The following ADAT1 variants were observed in gnomAD, a reference collection of about 807,000 sequenced individuals.
ADAT1 encodes the protein tRNA-specific adenosine deaminase 1.
In ADAT1, 58 loss-of-function variants were observed where a neutral mutation model predicts 58.6. That is an observed-to-expected ratio of 0.99 (90% CI 0.80 to 1.23). The LOEUF (loss-of-function observed/expected upper bound fraction) is 1.23. Among genes scored for constraint, ADAT1 ranks in the 50% most tolerant of loss-of-function variants. ADAT1 has a pLI of 0.00. For synonymous variants in ADAT1, 254 were observed against 220.8 expected, an observed-to-expected ratio of 1.15 and a Z score of -1.33; for missense variants, 741 against 608.6, an observed-to-expected ratio of 1.22 and a Z score of -2.29.
Position 75,608,994 on chromosome 16 carries a change from T to C in ADAT1, c.1044-6A>G, listed in dbSNP as rs756726510. ...AAGCAGACACATTCTGACACCTAAA[T>C]ACAAGGGAAAATGCATTCAGTTTAG... is the stretch of plus-strand genomic sequence containing the variant. On this transcript the variant is annotated splice_region_variant and splice_polypyrimidine_tract_variant and intron_variant, in intron 6 of 9. Coordinates refer to ENST00000564657, the MANE Select transcript of ADAT1 (RefSeq NM_001324445.2). 2.5e-6 allele frequency: 4 copies of C among 1,614,072 alleles called. No individual in the cohort carries two copies. The East Asian group carries it at 6.7e-5, about 27-fold the overall frequency.
rs767382528 is a variant in ADAT1 at position 75,608,231 on chromosome 16, G to C, written c.1282C>G (p.Gln428Glu). ...TGCCCCAATATGCTGTACCTTGCCT[G>C]AAGGCTTCCAATTGTTTTCTTTGTT... ...GTTKKTIGSL[Q>E]ARSQISKVEL... Residue 428 changes from glutamine to glutamate, a missense_variant, in exon 8 of 10, where the codon CAG becomes GAG. Gln to Glu is a conservative substitution (Grantham distance 29). Coordinates refer to ENST00000564657, the MANE Select transcript of ADAT1 (RefSeq NM_001324445.2). 8 of 1,613,856 alleles carry C rather than the reference G, an allele frequency of 5.0e-6. No individual in the cohort carries two copies. Among genetic ancestry groups the C allele is most frequent in the Non-Finnish European group, 6.8e-6 (8 of 1,179,840 alleles).
chr16:75,613,149 G>C (rs1383562256), intron 5 of ADAT1, among the ~76,000 whole-genome samples: 1 of 152,170 alleles, frequency 6.6e-6, no homozygotes, highest in African/African-American at 2.4e-5. Context: ...GAATCCTCTA[G>C]GGCTCTTGTT....
chr16:75,616,830 C>G (rs960790704), intron 5 of ADAT1, among the ~76,000 whole-genome samples: 7 of 152,206 alleles, frequency 4.6e-5, no homozygotes, highest in African/African-American at 1.7e-4. Context: ...TATAGGATTT[C>G]CAAGCCCCAT....
chr16:75,612,992 A>T (rs2081596049), intron 5 of ADAT1, 131 bp from the exon 6 acceptor site: 1 of 1,123,954 alleles, frequency 8.9e-7, no homozygotes, highest in Admixed American at 2.9e-5. Context: ...TGAATCAGAA[A>T]CTCCGGAGGC....
Position 75,617,174 on chromosome 16 carries a change from A to T in ADAT1, c.392T>A (p.Leu131His). ...ATGGCTGGAGAAAAACACAAAAATG[A>T]GGTCTCGTCTAAGTTTCCACACTCC... Reference protein sequence around the residue: ...QKGVWKLRRDLIFVFFSSHTP... With the variant: ...QKGVWKLRRDHIFVFFSSHTP... Residue 131 changes from leucine (L) to histidine (H), a missense_variant, in exon 5 of 10, where the codon CTC becomes CAC. Transcript: ENST00000564657. 1 of 1,613,800 alleles carries T rather than the reference A, an allele frequency of 6.2e-7. No homozygotes were observed. The highest frequency in any genetic ancestry group is 8.5e-7 in the Non-Finnish European group (1 of 1,179,704).
rs754832112 is a variant in ADAT1 at position 75,612,346 on chromosome 16, C to G, written c.940G>C (p.Ala314Pro). The G allele has an allele frequency of 3.7e-6, 6 of 1,614,198 alleles. No homozygotes were observed. The South Asian group carries it at 4.4e-5, about 12-fold the overall frequency. ...TCTTCCAGCAAGTGCATCAACAGTGCCCCTTGGCATCCGAGGACGTTCCAT... is the reference window on the plus strand; with the variant it reads ...TCTTCCAGCAAGTGCATCAACAGTGGCCCTTGGCATCCGAGGACGTTCCAT... The part of the protein sequence containing the change: ...ARWNVLGCQG[A>P]LLMHLLEEPI... Residue 314 changes from alanine to proline, a missense_variant, in exon 6 of 10, where the codon GCA (alanine) becomes CCA (proline). Coordinates refer to ENST00000564657, the MANE Select transcript of ADAT1 (RefSeq NM_001324445.2).
chr16:75,601,992 T>A (rs2081244118), intron 9 of ADAT1: 1 of 152,174 alleles, frequency 6.6e-6, no homozygotes, highest in Admixed American at 6.6e-5. Flanking sequence ...CAAGTGTCTT[T>A]GTCCTGCATG....
In ADAT1 at chr16:75,598,883, A is replaced by T. The variant is rs2081144509; in HGVS notation, c.*1333T>A. 4.1e-6 allele frequency: 4 copies of T among 982,560 alleles called. No homozygotes were observed. The South Asian group carries it at 1.9e-4, about 46-fold the overall frequency. The allele number at this position is 982,560 out of a possible 1,614,324, so 60.9% of individuals were successfully genotyped here. A position where few individuals can be genotyped will look rare whatever the true frequency, so the allele number is the denominator to read the frequency against. On this transcript the variant is annotated 3_prime_UTR_variant, in exon 10 of 10. Coordinates refer to ENST00000564657, the MANE Select transcript of ADAT1 (RefSeq NM_001324445.2). ...TATGGTCTGTGAATTATATCTCAATACAACTGTTATTTAAAAATATTTATA... is the reference window on the plus strand; with the variant it reads ...TATGGTCTGTGAATTATATCTCAATTCAACTGTTATTTAAAAATATTTATA...
At position 75,608,105 on chromosome 16, in the gene ADAT1, G is replaced by C. The variant is rs2081419726; in HGVS notation, c.1289+119C>G. On this transcript the variant is annotated intron_variant, in intron 8 of 9. Coordinates refer to ENST00000564657, the MANE Select transcript of ADAT1 (RefSeq NM_001324445.2). ...CAAGGGATGAGGAGAGGGAGGGATA[G>C]GTAGTGACTGCTAATGGGTATGGTT... 4.5e-5 allele frequency: 35 copies of C among 770,296 alleles called. 2 individuals carry two copies. The South Asian group carries it at 4.9e-4, about 11-fold the overall frequency. 47.7% of individuals were successfully genotyped at this position (770,296 alleles called of 1,614,324 possible).
Position 75,598,180 on chromosome 16 carries a change from G to A in ADAT1, c.*2036C>T. 1 of 242,534 alleles carries A rather than the reference G, an allele frequency of 4.1e-6. No individual in the cohort carries two copies. Among genetic ancestry groups the A allele is most frequent in the Non-Finnish European group, 8.6e-6 (1 of 116,618 alleles). The allele number at this position is 242,534 out of a possible 1,614,324, so 15.0% of individuals were successfully genotyped here. ...CAACCTCCACCTCCTGGGTTTGAGA[G>A]ATTCTTCTGCCTCAGCCTCCTGAGT... is the stretch of plus-strand genomic sequence containing the variant. On this transcript the variant is annotated 3_prime_UTR_variant, in exon 10 of 10. Transcript: ENST00000564657.
chr16:75,619,917 T>C (rs1224477328), intron 3 of ADAT1, among the ~76,000 whole-genome samples: 1 of 145,450 alleles, frequency 6.9e-6, no homozygotes, highest in Non-Finnish European at 1.5e-5. Context: ...AAAAAAAAGA[T>C]TGCTTTCTTG....
In ADAT1 at chr16:75,599,133, G is replaced by A; in HGVS notation, c.*1083C>T. 4 of 969,098 alleles carry A rather than the reference G, an allele frequency of 4.1e-6. No individual in the cohort carries two copies. The highest frequency in any genetic ancestry group is 4.9e-6 in the Non-Finnish European group (4 of 823,672). The allele number at this position is 969,098 out of a possible 1,614,324, so 60.0% of individuals were successfully genotyped here. On this transcript the variant is annotated 3_prime_UTR_variant, in exon 10 of 10. Coordinates refer to ENST00000564657, the MANE Select transcript of ADAT1 (RefSeq NM_001324445.2). ...GTCTTGCTCTATCACCCAGGCTGGA[G>A]TGCAGCGGTACGATCTTTGCTCACC...
chr16:75,614,309 A>G (rs2081639288), intron 5 of ADAT1, among the ~76,000 whole-genome samples: 1 of 152,156 alleles, frequency 6.6e-6, no homozygotes, highest in Non-Finnish European at 1.5e-5. Context: ...GTCTAAACCA[A>G]TGTTTCCAAA....
chr16:75,598,784 G>A lies in ADAT1; in HGVS notation c.*1432C>T, dbSNP rs1275599770. 1 of 574,642 alleles carries A rather than the reference G, an allele frequency of 1.7e-6. No homozygotes were observed. Among genetic ancestry groups the A allele is most frequent in the African/African-American group, 2.0e-5 (1 of 49,150 alleles). The allele number at this position is 574,642 out of a possible 1,614,324, so 35.6% of individuals were successfully genotyped here. ...TCTGCCTGCCTCAGCCTCCCAAAGTGTTGGAATTACAGGCGTAAGCCACCG... is the reference window on the plus strand; with the variant it reads ...TCTGCCTGCCTCAGCCTCCCAAAGTATTGGAATTACAGGCGTAAGCCACCG... On this transcript the variant is annotated 3_prime_UTR_variant, in exon 10 of 10. Transcript: ENST00000564657.
At chr16:75,604,742 G>A (rs1206177966) in intron 8 of ADAT1, among the ~76,000 whole-genome samples, 2 of 151,900 alleles carry the variant, frequency 1.3e-5, no homozygotes, top group Non-Finnish European at 2.9e-5. Flanking sequence ...TTATACAGAA[G>A]GTTCTGGCCA....
chr16:75,600,537 T>G (rs1445682829), intron 9 of ADAT1, among the ~76,000 whole-genome samples, 189 bp from the exon 10 acceptor site: 1 of 152,198 alleles, frequency 6.6e-6, no homozygotes, highest in Non-Finnish European at 1.5e-5. Context: ...GAAACAGAGT[T>G]GAGAAGCCAG....
At chr16:75,605,352 G>A (rs1212675495) in intron 8 of ADAT1, among the ~76,000 whole-genome samples, 1 of 152,094 alleles carries the variant, frequency 6.6e-6, no homozygotes, top group Non-Finnish European at 1.5e-5. Context: ...GCCTCCCAAA[G>A]TGCTGGGATT....
chr16:75,604,118 A>C (rs1351768130), intron 8 of ADAT1, among the ~76,000 whole-genome samples: 2 of 152,004 alleles, frequency 1.3e-5, no homozygotes, highest in East Asian at 3.9e-4. Context: ...CTCATGAACA[A>C]ATTAAAGAAG....
chr16:75,620,096 G>T (rs151126800), intron 3 of ADAT1, among the ~76,000 whole-genome samples, 170 bp downstream of exon 3: 24 of 152,206 alleles, frequency 1.6e-4, no homozygotes, highest in African/African-American at 5.8e-4. Flanking sequence ...CGCTTTGATG[G>T]TGGATTTCCA....
Sources: gnomAD v4.1 joint callset for allele counts (sites outside exome capture counted in the v4.1 genomes callset) on GRCh38, gnomAD v4.1.1 for gene constraint, MANE v1.5 for transcripts, NCBI Gene and HGNC (gene_info 2026-07-23, HGNC 2026-07-21) for gene names.